Variants in LYST observed in about 807,000 individuals in gnomAD.
LYST encodes lysosomal-trafficking regulator.
Under a neutral mutation model 413.6 loss-of-function variants are expected in LYST, and 192 were observed. The ratio of observed to expected loss-of-function variants is 0.46; its 90% CI spans 0.41 to 0.52. LYST has a LOEUF of 0.52. Among genes scored for constraint, LYST ranks in the 20% least tolerant of loss-of-function variants. The pLI is 0.00. For synonymous variants in LYST, 1,525 were observed against 1,567.3 expected, an observed-to-expected ratio of 0.97 and a Z score of 0.64; for missense variants, 3,815 against 4,499.9, an observed-to-expected ratio of 0.85 and a Z score of 4.35.
chr1:235,771,917 GTTTTTTTT>G (rs1215590592), intron 19 of LYST, among the ~76,000 whole-genome samples: 3 of 72,728 alleles, frequency 4.1e-5, no homozygotes, highest in African/African-American at 1.1e-4. Context: ...TTTTTAGTTT[GTTTTTTTT>G]TTTTTTTTTT....
At chr1:235,799,243 G>C (rs1437790858) in intron 10 of LYST, among the ~76,000 whole-genome samples, 1 of 152,114 alleles carries the variant, frequency 6.6e-6, no homozygotes, top group East Asian at 1.9e-4. Context: ...AGAATTAACT[G>C]TTCCAGTCAA....
In LYST at chr1:235,724,076, G is replaced by T. The variant is rs1435893547; in HGVS notation, c.9267C>A (p.Ile3089=). 6 of 1,613,700 alleles carry T rather than the reference G, an allele frequency of 3.7e-6. No individual in the cohort carries two copies. Among genetic ancestry groups the T allele is most frequent in the Non-Finnish European group, 2.5e-6 (3 of 1,179,660 alleles). The change falls in exon 39 of 53, where the codon ATC becomes ATA. Residue 3089 remains isoleucine, a synonymous_variant. Transcript: ENST00000389793. ...WWQLRDNAVE[I]FLTNGRTLLL... is the part of the protein sequence containing the mutation. ...GGAGTGTTCTGCCATTTGTTAGAAAGATTTCTACAGCATTATCTCTCAATT... is the reference window on the plus strand; with the variant it reads ...GGAGTGTTCTGCCATTTGTTAGAAATATTTCTACAGCATTATCTCTCAATT...
At chr1:235,860,031 A>G (rs1216040701) in intron 1 of LYST, among the ~76,000 whole-genome samples, 1 of 152,146 alleles carries the variant, frequency 6.6e-6, no homozygotes, top group Non-Finnish European at 1.5e-5. Flanking sequence ...AGCACTTGGC[A>G]AGCTGGTCTA....
In LYST at chr1:235,674,481, G is replaced by A. The variant is rs1659216271; in HGVS notation, c.11038+2610C>T. Among the ~76,000 whole-genome samples, 1 of 152,012 alleles carries A rather than the reference G, an allele frequency of 6.6e-6. No homozygotes were observed. The highest frequency in any genetic ancestry group is 2.4e-5 in the African/African-American group (1 of 41,380). The stretch of plus-strand genomic sequence containing the variant: ...AAATGCTATCAAAGTTCCACAAGAG[G>A]TGCTAAATGAATTTAAAGCCAGGAA... On this transcript the variant is annotated intron_variant, in intron 50 of 52. Coordinates refer to ENST00000389793, the MANE Select transcript of LYST (RefSeq NM_000081.4). The surrounding 1 kb of genome is among the most constrained non-coding windows in gnomAD (Gnocchi z 4.1).
chr1:235,691,463 A>G (rs576926116), intron 47 of LYST, among the ~76,000 whole-genome samples: 5 of 152,342 alleles, frequency 3.3e-5, no homozygotes, highest in Admixed American at 6.5e-5. Flanking sequence ...TCCATTTAGG[A>G]AAAATCAGGT....
chr1:235,799,450 G>A (rs1040738361), intron 10 of LYST, among the ~76,000 whole-genome samples: 1 of 152,120 alleles, frequency 6.6e-6, no homozygotes, highest in Non-Finnish European at 1.5e-5. Flanking sequence ...ATCACCAGTA[G>A]TAAGATCCAG....
intron 1 of LYST, among the ~76,000 whole-genome samples, chr1:235,850,139 T>C (rs575998944): frequency 2.6e-5 from 4 of 152,230 alleles, no homozygotes; most frequent in African/African-American, 9.6e-5. Context: ...TATAAGGCCA[T>C]AGTCACCAAA....
upstream of LYST, among the ~76,000 whole-genome samples, chr1:235,868,158 CTTTTAT>C (rs1680737176): frequency 6.6e-6 from 1 of 151,866 alleles, no homozygotes; most frequent in Admixed American, 6.6e-5. Flanking sequence ...GGCAGGTAGT[CTTTTAT>C]TTTTATTTTT....
At chr1:235,688,674 A>T (rs1162679598) in intron 47 of LYST, among the ~76,000 whole-genome samples, 2 of 152,130 alleles carry the variant, frequency 1.3e-5, no homozygotes, top group Non-Finnish European at 2.9e-5. Flanking sequence ...GTGAAATCTC[A>T]GAGCGTGAGT....
intron 1 of LYST, among the ~76,000 whole-genome samples, 181 bp from the exon 2 acceptor site, chr1:235,833,848 G>A (rs1010015294): frequency 4.6e-5 from 7 of 152,124 alleles, no homozygotes; most frequent in African/African-American, 1.7e-4. Flanking sequence ...GGGAATCTTG[G>A]AACATAGTGA....
chr1:235,798,832 G>A (rs1475847140), intron 10 of LYST, among the ~76,000 whole-genome samples: 1 of 152,054 alleles, frequency 6.6e-6, no homozygotes, highest in Admixed American at 6.6e-5. Flanking sequence ...TCCGTGCAGG[G>A]GAGGGTTAAG....
rs759394187 is a variant in LYST, at chr1:235,755,513, T to A, written c.7194A>T (p.Glu2398Asp). The A allele has an allele frequency of 3.1e-6, 5 of 1,613,942 alleles. No homozygotes were observed. The East Asian group carries it at 1.1e-4, about 36-fold the overall frequency. The change falls in exon 25 of 53, where the codon GAA becomes GAT. Residue 2398 changes from glutamate (E) to aspartate (D), a missense_variant. Glu to Asp is a conservative substitution (Grantham distance 45). This residue lies in a region of LYST where 771 missense variants were observed against 837.1 expected (regional missense o/e 0.92). Transcript: ENST00000389793. ...GTQELLECFI[E>D]MFFGRHIGLD... is the part of the protein sequence containing the mutation. ...GGCCAATATGTCGACCAAAGAACAT[T>A]TCGATGAAGCATTCTAACAATTCTT... is the stretch of plus-strand genomic sequence containing the variant.
intron 1 of LYST, among the ~76,000 whole-genome samples, chr1:235,861,660 T>C (rs556422812): frequency 8.5e-5 from 13 of 152,312 alleles, no homozygotes; most frequent in African/African-American, 3.1e-4. Flanking sequence ...ATATATGTTT[T>C]GTTTGTTTGT....
intron 6 of LYST, 45 bp downstream of exon 6, chr1:235,805,698 A>G: frequency 9.1e-7 from 1 of 1,102,390 alleles, no homozygotes; most frequent in Non-Finnish European, 1.4e-6. Flanking sequence ...GTGTATATAT[A>G]TGTATATATA....
chr1:235,772,798 G>A (rs1164328294), intron 19 of LYST, among the ~76,000 whole-genome samples: 1 of 152,046 alleles, frequency 6.6e-6, no homozygotes, highest in Non-Finnish European at 1.5e-5. Context: ...CAGAGTTTAT[G>A]GTAAATGCAA....
intron 1 of LYST, among the ~76,000 whole-genome samples, chr1:235,840,483 A>G (rs1330121185): frequency 6.6e-6 from 1 of 152,184 alleles, no homozygotes; most frequent in African/African-American, 2.4e-5. Flanking sequence ...GCTTTAATCT[A>G]TTGGCTAGTG....
Position 235,815,903 on chromosome 1 carries a change from C to T in LYST, c.193-2842G>A, listed in dbSNP as rs142340829. ...ATCCCAACACTTTGGGAGGCTGAGG[C>T]GGGCAGATCACAAGGTCAAGAGATC... On this transcript the variant is annotated intron_variant, in intron 3 of 52. Coordinates refer to ENST00000389793, the MANE Select transcript of LYST (RefSeq NM_000081.4). Among the ~76,000 whole-genome samples, 386 of 151,940 alleles carry T rather than the reference C, an allele frequency of 2.5e-3. 1 individual carries two copies. Among genetic ancestry groups the T allele is most frequent in the African/African-American group, 8.0e-3 (332 of 41,440 alleles).
chr1:235,868,975 A>G (rs190408896), upstream of LYST, among the ~76,000 whole-genome samples: 2 of 151,982 alleles, frequency 1.3e-5, no homozygotes, highest in South Asian at 2.1e-4. Context: ...GATTACAGGC[A>G]TGAGACACCG....
chr1:235,734,741 T>G lies in LYST; in HGVS notation c.8359-82A>C. ...TTACTTAGTAGTAATTAAATTATAT[T>G]GCTAGATTTATTTGGTTGCATCTGA... On this transcript the variant is annotated intron_variant, in intron 31 of 52. Transcript: ENST00000389793. The G allele has an allele frequency of 3.3e-6, 3 of 897,678 alleles. No individual in the cohort carries two copies. In the South Asian group the frequency reaches 4.9e-5, roughly 15 times the overall value. 55.6% of individuals were successfully genotyped at this position (897,678 alleles called of 1,614,324 possible).
Sources: gnomAD v4.1 joint callset for allele counts (sites outside exome capture counted in the v4.1 genomes callset) on GRCh38, gnomAD v4.1.1 for gene constraint, gnomAD v4.1.1 regional missense constraint, Gnocchi (gnomAD v3.1) non-coding constraint, MANE v1.5 for transcripts, NCBI Gene and HGNC (gene_info 2026-07-23, HGNC 2026-07-21) for gene names.